The following DAB2IP variants were observed in gnomAD, a reference collection of about 807,000 sequenced individuals.
The protein encoded by DAB2IP is DAB2 interacting protein, also known as disabled homolog 2-interacting protein.
DAB2IP carries 28 observed loss-of-function variants against 107.2 expected under a neutral mutation model. That is an observed-to-expected ratio of 0.26 (90% confidence interval 0.19 to 0.36). DAB2IP has a LOEUF of 0.36. DAB2IP is among the 10% of genes least tolerant of loss of function. The pLI is 1.00. For synonymous variants in DAB2IP, 755 were observed against 706.4 expected (o/e 1.07, Z -1.09); for missense variants, 1,400 against 1,644.7 (o/e 0.85, Z 2.57).
intron 1 of DAB2IP, among the ~76,000 whole-genome samples, chr9:121,630,175 C>G (rs1468622105): frequency 6.6e-6 from 1 of 152,114 alleles, no homozygotes; most frequent in Non-Finnish European, 1.5e-5. Flanking sequence ...CCTAAAATAA[C>G]ATTTTTGTTC....
intron 3 of DAB2IP, among the ~76,000 whole-genome samples, chr9:121,756,380 T>A (rs1392911270): frequency 6.6e-6 from 1 of 152,202 alleles, no homozygotes; most frequent in Non-Finnish European, 1.5e-5. Flanking sequence ...AGTCCCAGCA[T>A]GGGGACCCCG....
chr9:121,721,130 G>A (rs543101212), intron 3 of DAB2IP, among the ~76,000 whole-genome samples: 1 of 152,306 alleles, frequency 6.6e-6, no homozygotes, highest in African/African-American at 2.4e-5. Flanking sequence ...GCAGGAAGGT[G>A]CCAGGATCAC....
At chr9:121,775,607 T>A (rs933845015) in intron 13 of DAB2IP, among the ~76,000 whole-genome samples, 1 of 152,200 alleles carries the variant, frequency 6.6e-6, no homozygotes, top group Admixed American at 6.5e-5. Flanking sequence ...TCCCTGCTCC[T>A]CCCTGATGGT....
intron 2 of DAB2IP, among the ~76,000 whole-genome samples, chr9:121,680,943 A>G (rs1459436940): frequency 3.3e-5 from 5 of 151,850 alleles, no homozygotes; most frequent in Admixed American, 2.0e-4. Context: ...GGGTTTCACC[A>G]TGTTGGCCAG....
Position 121,651,950 on chromosome 9 carries a change from C to T in DAB2IP, c.124+51C>T. 1 of 1,240,122 alleles carries T rather than the reference C, an allele frequency of 8.1e-7. No homozygotes were observed. The highest frequency in any genetic ancestry group is 3.1e-5 in the South Asian group (1 of 31,918). The allele number at this position is 1,240,122 out of a possible 1,614,324, so 76.8% of individuals were successfully genotyped here. Reference sequence around the variant, plus strand: ...CCTAGACCCTCCTAAGGCCACTAAGCCACCTGATGCCCTGGGATGCTAGGG... The same window carrying T: ...CCTAGACCCTCCTAAGGCCACTAAGTCACCTGATGCCCTGGGATGCTAGGG... On this transcript the variant is annotated intron_variant, in intron 1 of 15. Transcript: ENST00000408936. The surrounding 1 kb of genome is among the most constrained non-coding windows in gnomAD (Gnocchi z 5.1).
intron 1 of DAB2IP, among the ~76,000 whole-genome samples, chr9:121,592,601 A>T (rs1451595414): frequency 6.6e-6 from 1 of 152,236 alleles, no homozygotes; most frequent in Non-Finnish European, 1.5e-5. Flanking sequence ...AGCCCTGTCA[A>T]CTTTATATAT....
intron 1 of DAB2IP, among the ~76,000 whole-genome samples, chr9:121,641,929 CTTTCTT>C (rs1832316535): frequency 7.4e-6 from 1 of 134,626 alleles, no homozygotes; most frequent in African/African-American, 2.9e-5. Context: ...TTCTTTCTTT[CTTTCTT>C]TCTCTCTTTC....
chr9:121,777,982 ATCC>A (rs1256334948), intron 14 of DAB2IP, among the ~76,000 whole-genome samples: 1 of 152,132 alleles, frequency 6.6e-6, no homozygotes. Flanking sequence ...AGCTTTTTTT[ATCC>A]TCCTGCTTTT....
exon 16 of DAB2IP, chr9:121,783,283 A>C (rs904206875): frequency 6.6e-6 from 9 of 1,368,518 alleles, no homozygotes; most frequent in Admixed American, 3.0e-5. Flanking sequence ...CCTCCCACAC[A>C]GGCCCAGGCT....
At chr9:121,743,356 T>A (rs944752770) in intron 3 of DAB2IP, among the ~76,000 whole-genome samples, 2 of 152,226 alleles carry the variant, frequency 1.3e-5, no homozygotes, top group Admixed American at 1.3e-4. Context: ...TTTTTACTAT[T>A]GTTCATTGTG....
At chr9:121,774,220 C>T (rs1016613824) in intron 12 of DAB2IP, 40 bp from the exon 13 acceptor site, 5 of 1,534,996 alleles carry the variant, frequency 3.3e-6, no homozygotes, top group African/African-American at 1.4e-5. Flanking sequence ...TGCTTGCCCT[C>T]CACCTCCCTG....
At position 121,651,988 on chromosome 9, in the gene DAB2IP, C is replaced by A; in HGVS notation, c.124+89C>A. The A allele has an allele frequency of 8.7e-7, 1 of 1,142,974 alleles. No homozygotes were observed. The highest frequency in any genetic ancestry group is 1.1e-6 in the Non-Finnish European group (1 of 904,572). The allele number at this position is 1,142,974 out of a possible 1,614,324, so 70.8% of individuals were successfully genotyped here. On this transcript the variant is annotated intron_variant, in intron 1 of 15. Coordinates refer to ENST00000408936, the Ensembl canonical transcript of DAB2IP. This position sits in a 1 kb window ranked among gnomAD's most constrained non-coding sequence, Gnocchi z 5.1. ...TGGGATGCTAGGGACCGGGATCCTC[C>A]TTCCAGCCATTTGCCGGGGGTTTCC...
At chr9:121,596,740 AG>A (rs1449701895) in intron 1 of DAB2IP, among the ~76,000 whole-genome samples, 2 of 152,146 alleles carry the variant, frequency 1.3e-5, no homozygotes, top group African/African-American at 4.8e-5. Flanking sequence ...TATTGCAATG[AG>A]CAAGAGGTTC....
intron 1 of DAB2IP, among the ~76,000 whole-genome samples, chr9:121,624,849 G>A (rs1288063149): frequency 6.6e-6 from 1 of 152,220 alleles, no homozygotes; most frequent in Non-Finnish European, 1.5e-5. Context: ...TTAAAAGACA[G>A]GAACGTACAT....
chr9:121,599,272 G>A lies in DAB2IP; in HGVS notation c.40+32044G>A, dbSNP rs1160531501. ...GGACTCCTGGAGGCCTGGGGACTCC[G>A]GGAGGGGAGGGGGCGTGTGGTCCCG... On this transcript the variant is annotated intron_variant, in intron 1 of 16. Coordinates refer to the DAB2IP transcript ENST00000259371. This position sits in a 1 kb window ranked among gnomAD's most constrained non-coding sequence, Gnocchi z 6.9. Among the ~76,000 whole-genome samples the A allele has an allele frequency of 6.6e-6, 1 of 152,184 alleles. No individual in the cohort carries two copies. Among genetic ancestry groups the A allele is most frequent in the African/African-American group, 2.4e-5 (1 of 41,452 alleles).
intron 1 of DAB2IP, among the ~76,000 whole-genome samples, chr9:121,637,198 G>A (rs1456686562): frequency 6.6e-6 from 1 of 152,178 alleles, no homozygotes; most frequent in Non-Finnish European, 1.5e-5. Flanking sequence ...TGCAAAATGG[G>A]CATAATAGCA....
At chr9:121,568,274 G>A (rs191993156) in intron 1 of DAB2IP, among the ~76,000 whole-genome samples, 1 of 152,280 alleles carries the variant, frequency 6.6e-6, no homozygotes, top group East Asian at 1.9e-4. Context: ...CCAAGGAGAG[G>A]GGCCCTTTGC....
At chr9:121,717,095 G>T (rs942929174) in intron 3 of DAB2IP, among the ~76,000 whole-genome samples, 1 of 152,190 alleles carries the variant, frequency 6.6e-6, no homozygotes, top group Non-Finnish European at 1.5e-5. Context: ...AGCCCCGGGG[G>T]AATCTTGCCC....
At chr9:121,655,365 A>G (rs1832928427) in intron 1 of DAB2IP, among the ~76,000 whole-genome samples, 1 of 149,008 alleles carries the variant, frequency 6.7e-6, no homozygotes, top group Non-Finnish European at 1.5e-5. Flanking sequence ...GCTAGGAGAA[A>G]CAGAAATTTT....
Sources: allele counts gnomAD v4.1 joint callset (sites outside exome capture counted in the v4.1 genomes callset), GRCh38; gene constraint gnomAD v4.1.1; non-coding constraint Gnocchi (gnomAD v3.1); transcripts MANE v1.5; gene names NCBI Gene and HGNC (gene_info 2026-07-23, HGNC 2026-07-21).